The following NEK4 variants were observed in gnomAD, a reference collection of about 807,000 sequenced individuals.
NEK4 encodes the protein serine/threonine-protein kinase Nek4.
In NEK4, 86 loss-of-function variants were observed where a neutral mutation model predicts 98.4. The observed-to-expected ratio is 0.87, with a 90% CI of 0.73 to 1.05. The LOEUF is 1.05. Among genes scored for constraint, NEK4 ranks in the 50% least tolerant of loss-of-function variants. The pLI, the probability that NEK4 is intolerant of heterozygous loss-of-function variation, is 0.00. For synonymous variants in NEK4, 328 were observed against 342.2 expected, an observed-to-expected ratio of 0.96 and a Z score of 0.46; for missense variants, 898 against 950.3, an observed-to-expected ratio of 0.94 and a Z score of 0.72.
At chr3:52,758,933 C>A (rs1698236844) in intron 6 of NEK4, among the ~76,000 whole-genome samples, 2 of 151,620 alleles carry the variant, frequency 1.3e-5, no homozygotes, top group African/African-American at 2.4e-5. Flanking sequence ...CAAAAATAAT[C>A]ATAATAATTA....
At chr3:52,750,521 T>TG (rs2097403276) in intron 7 of NEK4, among the ~76,000 whole-genome samples, 1 of 152,180 alleles carries the variant, frequency 6.6e-6, no homozygotes, top group Non-Finnish European at 1.5e-5. Context: ...TACTCTAGCC[T>TG]GGGTGACAGA....
chr3:52,740,095 T>C (rs2154103694), intron 13 of NEK4, among the ~76,000 whole-genome samples: 1 of 152,264 alleles, frequency 6.6e-6, no homozygotes, highest in East Asian at 1.9e-4. Flanking sequence ...CTCAAGAATA[T>C]TTAAAGAAAC....
chr3:52,740,327 G>A (rs1287675161), intron 13 of NEK4, among the ~76,000 whole-genome samples: 1 of 151,770 alleles, frequency 6.6e-6, no homozygotes, highest in Non-Finnish European at 1.5e-5. Context: ...AAGAAAACAT[G>A]AACATGTTAA....
chr3:52,717,316 A>C (rs2097355953), intron 15 of NEK4, among the ~76,000 whole-genome samples: 1 of 151,632 alleles, frequency 6.6e-6, no homozygotes, highest in South Asian at 2.1e-4. Flanking sequence ...CTGAGGTAGG[A>C]GAATCACTTG....
intron 15 of NEK4, among the ~76,000 whole-genome samples, chr3:52,730,656 G>A (rs2097368743): frequency 1.3e-5 from 2 of 152,182 alleles, no homozygotes; most frequent in South Asian, 4.1e-4. Flanking sequence ...TGGTTTTGTG[G>A]ATAAGGTGGG....
intron 13 of NEK4, among the ~76,000 whole-genome samples, chr3:52,740,247 C>T (rs910520557): frequency 1.3e-5 from 2 of 151,704 alleles, no homozygotes; most frequent in Non-Finnish European, 2.9e-5. Flanking sequence ...AAAAGTGACA[C>T]GACTGATAGA....
At chr3:52,741,280 G>A in intron 13 of NEK4, 131 bp downstream of exon 13, 6 of 489,758 alleles carry the variant, frequency 1.2e-5, no homozygotes, top group South Asian at 3.0e-5. Flanking sequence ...TTTAGCTCCA[G>A]CATATGCCAC....
rs1244242839 is a variant in NEK4 at position 52,709,138 on chromosome 3, C to T, written c.*2639G>A. 4 of 150,408 alleles carry T rather than the reference C, an allele frequency of 2.7e-5. No homozygotes were observed. The highest frequency in any genetic ancestry group is 2.1e-4 in the South Asian group (1 of 4,762). The allele number at this position is 150,408 out of a possible 1,614,324, so 9.3% of individuals were successfully genotyped here. On this transcript the variant is annotated 3_prime_UTR_variant, in exon 16 of 16. Transcript: ENST00000233027. ...GGCGTAGGCTGCAGTGAGCCAAGAT[C>T]GCACCACTGTACTCCAGCCTGGGCA... is the stretch of plus-strand genomic sequence containing the variant.
rs1403541232 is a variant in NEK4 at position 52,746,835 on chromosome 3, A to G, written c.1576T>C (p.Ser526Pro). 5 of 1,613,886 alleles carry G rather than the reference A, an allele frequency of 3.1e-6. No individual in the cohort carries two copies. The highest frequency in any genetic ancestry group is 4.2e-6 in the Non-Finnish European group (5 of 1,179,918). The change falls in exon 9 of 16, where the codon TCT becomes CCT. Residue 526 changes from serine to proline, a missense_variant. Ser to Pro is a moderately conservative substitution (Grantham distance 74). Coordinates refer to ENST00000233027, the MANE Select transcript of NEK4 (RefSeq NM_003157.6). Reference sequence around the variant, plus strand: ...CGAGACAGGGAAGGTTCAGACCCAGAGTTGTGTGGCTGTAAATCTGGGTGG... The same window carrying G: ...CGAGACAGGGAAGGTTCAGACCCAGGGTTGTGTGGCTGTAAATCTGGGTGG... ...RIHPDLQPHN[S>P]GSEPSLSRQR...
At chr3:52,757,974 A>C (rs1352903753) in intron 6 of NEK4, among the ~76,000 whole-genome samples, 3 of 151,968 alleles carry the variant, frequency 2.0e-5, no homozygotes, top group Non-Finnish European at 4.4e-5. Context: ...TCAGGAGTTC[A>C]AGACCAGTCT....
intron 6 of NEK4, among the ~76,000 whole-genome samples, chr3:52,754,953 A>T (rs1210075756): frequency 6.6e-6 from 1 of 151,920 alleles, no homozygotes; most frequent in African/African-American, 2.4e-5. Flanking sequence ...AGGCGCCTGT[A>T]GTCCCAGCTA....
At chr3:52,737,262 T>TAA (rs34831384) in intron 15 of NEK4, among the ~76,000 whole-genome samples, 2 of 141,554 alleles carry the variant, frequency 1.4e-5, no homozygotes, top group Non-Finnish European at 3.1e-5. Context: ...AAATTTTCCT[T>TAA]AAAAAAAAAA....
At chr3:52,764,285 CAAAA>C (rs558340378) in intron 4 of NEK4, among the ~76,000 whole-genome samples, 1 of 85,178 alleles carries the variant, frequency 1.2e-5, no homozygotes, top group Non-Finnish European at 2.5e-5. Flanking sequence ...GACTCTGTCT[CAAAA>C]AAAAAAAAAA....
intron 6 of NEK4, among the ~76,000 whole-genome samples, chr3:52,755,614 C>A (rs530012429): frequency 1.3e-5 from 2 of 152,100 alleles, no homozygotes; most frequent in South Asian, 4.2e-4. Context: ...AAAGCTTTTC[C>A]TCTAAGATCA....
intron 5 of NEK4, 32 bp downstream of exon 5, chr3:52,763,438 T>C (rs758654004): frequency 5.7e-6 from 9 of 1,592,056 alleles, no homozygotes; most frequent in Non-Finnish European, 7.7e-6. Context: ...CCCATCTATT[T>C]AGCCCAGCTA....
intron 6 of NEK4, 59 bp from the exon 7 acceptor site, chr3:52,752,395 A>T: frequency 6.7e-7 from 1 of 1,498,830 alleles, no homozygotes; most frequent in Non-Finnish European, 9.0e-7. Context: ...TACAAAATCA[A>T]CTCAAAATGC....
intron 15 of NEK4, among the ~76,000 whole-genome samples, chr3:52,720,842 G>GT (rs2097359405): frequency 6.6e-6 from 1 of 152,162 alleles, no homozygotes; most frequent in Non-Finnish European, 1.5e-5. Context: ...GCTGGTAAAG[G>GT]TAATTATAAA....
intron 8 of NEK4, among the ~76,000 whole-genome samples, chr3:52,748,906 G>A (rs1354042506): frequency 1.3e-5 from 2 of 151,986 alleles, no homozygotes; most frequent in African/African-American, 2.4e-5. Flanking sequence ...GACAACATAG[G>A]GACACCCTGT....
intron 8 of NEK4, among the ~76,000 whole-genome samples, chr3:52,748,363 T>A (rs186266194): frequency 6.6e-6 from 1 of 152,130 alleles, no homozygotes; most frequent in Non-Finnish European, 1.5e-5. Flanking sequence ...AATGCCGACA[T>A]CAGTTATCCA....
Sources: gnomAD v4.1 joint callset for allele counts (sites outside exome capture counted in the v4.1 genomes callset) on GRCh38, gnomAD v4.1.1 for gene constraint, MANE v1.5 for transcripts, NCBI Gene and HGNC (gene_info 2026-07-23, HGNC 2026-07-21) for gene names.